The following CSMD2 variants were observed in gnomAD, a reference collection of about 807,000 sequenced individuals.
The protein encoded by CSMD2 is CUB and sushi domain-containing protein 2.
A neutral mutation model predicts 398.5 loss-of-function variants in CSMD2; 130 were observed. The observed-to-expected ratio is 0.33, with a 90% confidence interval of 0.28 to 0.38. The LOEUF is 0.38. Ranked by LOEUF, CSMD2 falls within the 10% of genes least tolerant of loss-of-function variation. The pLI is 1.00. For synonymous variants in CSMD2, 1,828 were observed against 1,908.5 expected (o/e 0.96, Z 1.10); for missense variants, 3,829 against 4,764.9 (o/e 0.80, Z 5.78).
At chr1:34,081,145 T>A (rs1019821609) in intron 2 of CSMD2, among the ~76,000 whole-genome samples, 5 of 151,770 alleles carry the variant, frequency 3.3e-5, no homozygotes, top group Non-Finnish European at 7.4e-5. Flanking sequence ...AAATGATTCA[T>A]GAATAAGAAG....
chr1:33,851,736 A>C (rs936701443), intron 5 of CSMD2, among the ~76,000 whole-genome samples: 62 of 152,198 alleles, frequency 4.1e-4, no homozygotes, highest in African/African-American at 1.5e-3. Context: ...ATGCTTTCCA[A>C]AATCAGTTTT....
intron 12 of CSMD2, among the ~76,000 whole-genome samples, chr1:33,781,752 T>C (rs563829046): frequency 6.6e-6 from 1 of 152,332 alleles, no homozygotes; most frequent in East Asian, 1.9e-4. Context: ...TAAGTGCTAA[T>C]TGCCTGTTCC....
intron 2 of CSMD2, among the ~76,000 whole-genome samples, chr1:34,061,287 C>A (rs1472915109): frequency 6.6e-6 from 1 of 152,182 alleles, no homozygotes; most frequent in Non-Finnish European, 1.5e-5. Flanking sequence ...CTGTGCCAGG[C>A]CCTTGTGTGC....
intron 3 of CSMD2, among the ~76,000 whole-genome samples, chr1:33,958,043 A>C (rs1293999571): frequency 6.6e-6 from 1 of 152,046 alleles, no homozygotes; most frequent in Non-Finnish European, 1.5e-5. Flanking sequence ...TCTTTGAGGG[A>C]TGCTTCATGC....
At chr1:34,149,541 T>C (rs1053965078) in intron 1 of CSMD2, among the ~76,000 whole-genome samples, 5 of 152,198 alleles carry the variant, frequency 3.3e-5, no homozygotes, top group Non-Finnish European at 7.3e-5. Flanking sequence ...CTCCCCTGAG[T>C]GTCCTGATTT....
chr1:33,704,498 T>C (rs369476324), intron 22 of CSMD2, among the ~76,000 whole-genome samples: 155 of 152,286 alleles, frequency 1.0e-3, no homozygotes, highest in African/African-American at 3.4e-3. Flanking sequence ...CTATTTGTAG[T>C]TTTATGAGAT....
At chr1:34,156,389 A>C (rs937785074) in intron 1 of CSMD2, among the ~76,000 whole-genome samples, 31 of 152,196 alleles carry the variant, frequency 2.0e-4, no homozygotes, top group Admixed American at 1.9e-3. Context: ...TGCTCATCTC[A>C]GAAAGGGCCA....
Position 34,088,593 on chromosome 1 carries a change from A to T in CSMD2, c.404+384T>A, listed in dbSNP as rs117549244. 5.9e-3 allele frequency among the ~76,000 whole-genome samples: 904 copies of T among 152,370 alleles called. 9 individuals are homozygous for T. Among genetic ancestry groups the T allele is most frequent in the East Asian group, 0.052 (270 of 5,184 alleles). ...AGTCCAGAAAAGTATTGATGGTTTC[A>T]AATACTGTGACGCAAGACATATTCA... On this transcript the variant is annotated intron_variant, in intron 2 of 70. Transcript: ENST00000373381.
At chr1:33,819,050 C>T (rs1051051957) in intron 9 of CSMD2, among the ~76,000 whole-genome samples, 2 of 152,164 alleles carry the variant, frequency 1.3e-5, no homozygotes, top group Non-Finnish European at 2.9e-5. Flanking sequence ...CTGCTGGTTC[C>T]CTGGGGGATG....
At position 34,053,105 on chromosome 1, in the gene CSMD2, C is replaced by T. The variant is rs543028396; in HGVS notation, c.405-20399G>A. ...TTTTAACCCCTAATCAGAACATGCT[C>T]ATTTCTACCTCTCTCTACTGTCCAT... is the stretch of plus-strand genomic sequence containing the variant. On this transcript the variant is annotated intron_variant, in intron 2 of 70. Transcript: ENST00000373381. 2.0e-5 allele frequency among the ~76,000 whole-genome samples: 3 copies of T among 152,272 alleles called. No homozygotes were observed. In the East Asian group the frequency reaches 5.8e-4, roughly 29 times the overall value.
intron 5 of CSMD2, among the ~76,000 whole-genome samples, chr1:33,911,091 A>G (rs1008761974): frequency 2.0e-5 from 3 of 152,208 alleles, no homozygotes; most frequent in Admixed American, 1.3e-4. Flanking sequence ...GTGCTTGGCT[A>G]TTACATAAAC....
At chr1:33,563,141 A>ATCT (rs1658726574) in intron 53 of CSMD2, among the ~76,000 whole-genome samples, 11 of 152,216 alleles carry the variant, frequency 7.2e-5, no homozygotes, top group African/African-American at 2.7e-4. Flanking sequence ...TCCTAAGGGC[A>ATCT]GAGATGATGT....
intron 1 of CSMD2, among the ~76,000 whole-genome samples, chr1:34,117,390 C>A (rs372252962): frequency 6.6e-6 from 1 of 151,958 alleles, no homozygotes; most frequent in African/African-American, 2.4e-5. Context: ...AACATATAAC[C>A]TACCAAGACT....
chr1:33,952,402 C>A (rs1645034253), intron 3 of CSMD2, among the ~76,000 whole-genome samples: 1 of 152,192 alleles, frequency 6.6e-6, no homozygotes, highest in African/African-American at 2.4e-5. Flanking sequence ...ACACAATATT[C>A]CCTGGCCCAG....
At chr1:33,808,737 G>C (rs1471046771) in intron 10 of CSMD2, among the ~76,000 whole-genome samples, 2 of 151,648 alleles carry the variant, frequency 1.3e-5, no homozygotes, top group African/African-American at 2.4e-5. Flanking sequence ...ATAAAGATGA[G>C]AGCAGAAACT....
At chr1:33,618,202 G>T (rs903962632) in intron 37 of CSMD2, among the ~76,000 whole-genome samples, 8 of 152,122 alleles carry the variant, frequency 5.3e-5, no homozygotes, top group Non-Finnish European at 8.8e-5. Flanking sequence ...GGTCAGGCCA[G>T]CCCCTTTCTG....
intron 13 of CSMD2, among the ~76,000 whole-genome samples, chr1:33,754,323 T>A (rs147062643): frequency 8.7e-4 from 132 of 152,290 alleles, no homozygotes; most frequent in African/African-American, 2.9e-3. Context: ...TTTAAAAGAA[T>A]GTGGTACCTA....
At chr1:33,595,980 C>A (rs1254696674) in intron 44 of CSMD2, among the ~76,000 whole-genome samples, 2 of 152,224 alleles carry the variant, frequency 1.3e-5, no homozygotes, top group East Asian at 3.8e-4. Context: ...TCTTCCATAT[C>A]TCTACATATT....
At chr1:33,994,902 A>G (rs1337184487) in intron 3 of CSMD2, among the ~76,000 whole-genome samples, 1 of 151,972 alleles carries the variant, frequency 6.6e-6, no homozygotes, top group Non-Finnish European at 1.5e-5. Context: ...CATCTCTACT[A>G]AAAATACAAA....
Sources: allele counts gnomAD v4.1 joint callset (sites outside exome capture counted in the v4.1 genomes callset), GRCh38; gene constraint gnomAD v4.1.1; transcripts MANE v1.5; gene names NCBI Gene and HGNC (gene_info 2026-07-23, HGNC 2026-07-21).